The following ATG2B variants were observed in gnomAD, a reference collection of about 807,000 sequenced individuals.
The protein encoded by ATG2B is autophagy related 2B, also known as autophagy-related protein 2 homolog B.
In ATG2B, 121 loss-of-function variants were observed where a neutral mutation model predicts 241.3. That is an observed-to-expected ratio of 0.50 (90% CI 0.43 to 0.58). The LOEUF (loss-of-function observed/expected upper bound fraction) is 0.58. Among genes scored for constraint, ATG2B ranks in the 20% least tolerant of loss-of-function variants. ATG2B has a pLI of 0.00. For missense variants in ATG2B, 2,306 were observed against 2,491.6 expected (o/e 0.93, Z 1.59); for synonymous variants, 858 against 876.6 (o/e 0.98, Z 0.37).
At chr14:96,358,274 A>G (rs1013490547) in intron 1 of ATG2B, among the ~76,000 whole-genome samples, 40 of 152,078 alleles carry the variant, frequency 2.6e-4, no homozygotes, top group African/African-American at 9.7e-4. Flanking sequence ...GGTCTCTACA[A>G]AAATTAAAAG....
intron 34 of ATG2B, among the ~76,000 whole-genome samples, chr14:96,301,040 G>C (rs1886775597): frequency 6.6e-6 from 1 of 152,150 alleles, no homozygotes; most frequent in South Asian, 2.1e-4. Flanking sequence ...TTTCTGTCAA[G>C]AAGGTTTTGT....
Position 96,313,439 on chromosome 14 carries a change from T to C in ATG2B, c.3643-4A>G, listed in dbSNP as rs769804683. 1.9e-5 allele frequency: 28 copies of C among 1,508,092 alleles called. No individual in the cohort carries two copies. The highest frequency in any genetic ancestry group is 1.8e-4 in the Middle Eastern group (1 of 5,546). The allele number at this position is 1,508,092 out of a possible 1,614,324, so 93.4% of individuals were successfully genotyped here. On this transcript the variant is annotated splice_polypyrimidine_tract_variant and splice_region_variant and intron_variant, in intron 23 of 41. Transcript: ENST00000359933. ...CAATATTCAAGAAGTATAAAATCTA[T>C]AATCACAAAAAATTAAAACGCCCTG...
chr14:96,308,217 TAA>T (rs1887012276), intron 29 of ATG2B, among the ~76,000 whole-genome samples: 1 of 78,272 alleles, frequency 1.3e-5, no homozygotes, highest in African/African-American at 4.6e-5. Flanking sequence ...TATAAATACA[TAA>T]ATATATATAT....
intron 34 of ATG2B, among the ~76,000 whole-genome samples, chr14:96,296,689 A>T (rs1886649082): frequency 6.7e-6 from 1 of 150,190 alleles, no homozygotes; most frequent in African/African-American, 2.4e-5. Flanking sequence ...TGAACCTGGG[A>T]GGCGGAGGCT....
At chr14:96,341,741 C>A in intron 5 of ATG2B, 40 bp from the exon 6 acceptor site, 2 of 1,331,366 alleles carry the variant, frequency 1.5e-6, no homozygotes, top group Non-Finnish European at 2.0e-6. Flanking sequence ...AAAATACTTT[C>A]ATATAAATAA....
chr14:96,308,971 C>T (rs1009442012), intron 29 of ATG2B, among the ~76,000 whole-genome samples: 1 of 152,158 alleles, frequency 6.6e-6, no homozygotes, highest in African/African-American at 2.4e-5. Flanking sequence ...GAGGCTCATG[C>T]ATGCCTTTGT....
chr14:96,329,394 AT>A, intron 12 of ATG2B, 89 bp downstream of exon 12: 1 of 913,148 alleles, frequency 1.1e-6, no homozygotes, highest in Non-Finnish European at 1.6e-6. Flanking sequence ...CTTTCTATAC[AT>A]TTTTAAAGAA....
Position 96,304,670 on chromosome 14 carries a change from A to G in ATG2B, c.4734-67T>C, listed in dbSNP as rs138305369. 6.1e-3 allele frequency: 7,398 copies of G among 1,210,184 alleles called. 265 individuals carry two copies. The South Asian group carries it at 0.066, about 11-fold the overall frequency. 75.0% of individuals were successfully genotyped at this position (1,210,184 alleles called of 1,614,324 possible). A position where few individuals can be genotyped will look rare whatever the true frequency, so the allele number is the denominator to read the frequency against. ...AATATTCAAAGAAAGTCAATGAATG[A>G]CATTAAGGAAAATGATAAGATGAAA... On this transcript the variant is annotated intron_variant, in intron 31 of 41. Coordinates refer to ENST00000359933, the MANE Select transcript of ATG2B (RefSeq NM_018036.7).
rs147136824 is a variant in ATG2B at position 96,335,061 on chromosome 14, C to T, written c.925-560G>A. 8.9e-3 allele frequency among the ~76,000 whole-genome samples: 1,348 copies of T among 152,278 alleles called. 18 individuals are homozygous for T. The highest frequency in any genetic ancestry group is 0.031 in the African/African-American group (1,287 of 41,558). ...ACAGAAACGTGGACAGAAGATGGTGCTTAGGTGGACTTCCTTTCTCTTTTC... is the reference window on the plus strand; with the variant it reads ...ACAGAAACGTGGACAGAAGATGGTGTTTAGGTGGACTTCCTTTCTCTTTTC... On this transcript the variant is annotated intron_variant, in intron 6 of 41. Coordinates refer to ENST00000359933, the MANE Select transcript of ATG2B (RefSeq NM_018036.7).
rs369689045 is a variant in ATG2B at position 96,328,457 on chromosome 14, C to A, written c.2053G>T (p.Asp685Tyr). ...IKLNPVCCEL[D>Y]ISIVDRLNSL... The stretch of plus-strand genomic sequence containing the variant: ...TTTAACCTGTCCACAATACTGATAT[C>A]CAGCTCACAACACACTGGATTTAAT... Residue 685 changes from aspartate to tyrosine, a missense_variant, in exon 14 of 42, where the codon GAT becomes TAT. Transcript: ENST00000359933. 1 of 1,613,422 alleles carries A rather than the reference C, an allele frequency of 6.2e-7. No individual in the cohort carries two copies. Among genetic ancestry groups the A allele is most frequent in the Non-Finnish European group, 8.5e-7 (1 of 1,179,838 alleles).
intron 14 of ATG2B, among the ~76,000 whole-genome samples, chr14:96,327,615 C>A (rs1887618688): frequency 6.6e-6 from 1 of 152,048 alleles, no homozygotes; most frequent in African/African-American, 2.4e-5. Flanking sequence ...CTTATAAAAA[C>A]TCTGATAGAC....
Position 96,332,516 on chromosome 14 carries a change from T to C in ATG2B, c.1347A>G (p.Pro449=), listed in dbSNP as rs1178041714. 1.2e-6 allele frequency: 2 copies of C among 1,609,928 alleles called. No individual in the cohort carries two copies. The highest frequency in any genetic ancestry group is 1.7e-6 in the Non-Finnish European group (2 of 1,178,532). Residue 449 remains proline (P), a synonymous_variant, in exon 9 of 42, where the codon CCA becomes CCG. Transcript: ENST00000359933. ...STYTNTPAGS[P]LSATVLQPTW... ...AATACTTTACCACAGTAGCACTTAA[T>C]GGAGATCCTGCTGGGGTATTTGTAT...
intron 22 of ATG2B, 61 bp downstream of exon 22, chr14:96,315,323 T>C: frequency 6.3e-7 from 1 of 1,588,028 alleles, no homozygotes; most frequent in Non-Finnish European, 8.6e-7. Flanking sequence ...ATGTTGCCTT[T>C]TATGTAATTA....
intron 5 of ATG2B, 80 bp from the exon 6 acceptor site, chr14:96,341,781 A>C (rs1888043683): frequency 6.4e-6 from 7 of 1,094,298 alleles, no homozygotes; most frequent in African/African-American, 1.6e-5. Flanking sequence ...ATGTCAACTT[A>C]AGAAGAATAA....
intron 14 of ATG2B, among the ~76,000 whole-genome samples, chr14:96,327,123 C>T (rs1887606484): frequency 6.6e-6 from 1 of 151,994 alleles, no homozygotes; most frequent in Non-Finnish European, 1.5e-5. Context: ...GTAGCCCCAA[C>T]TATTTGGGGG....
At position 96,343,194 on chromosome 14, in the gene ATG2B, G is replaced by T; in HGVS notation, c.669C>A (p.Leu223=). The T allele has an allele frequency of 6.2e-7, 1 of 1,609,820 alleles. No individual in the cohort carries two copies. Among genetic ancestry groups the T allele is most frequent in the Non-Finnish European group, 8.5e-7 (1 of 1,177,356 alleles). The change falls in exon 5 of 42, where the codon CTC becomes CTA. Residue 223 remains leucine, a synonymous_variant. Transcript: ENST00000359933. The stretch of plus-strand genomic sequence containing the variant: ...CATCCCAGAAGAGAGACACTCCAGA[G>T]AGCTGAAGTAACTTGTGAGCAAAAG... ...PTAFAHKLLQ[L]SGVSLFWDEF...
intron 1 of ATG2B, among the ~76,000 whole-genome samples, chr14:96,362,036 T>C (rs990041578): frequency 6.6e-6 from 1 of 152,096 alleles, no homozygotes; most frequent in Non-Finnish European, 1.5e-5. Flanking sequence ...TACGACTGCA[T>C]GTGGTGAGTC....
In ATG2B at chr14:96,290,224, C is replaced by T; in HGVS notation, c.5856+212G>A. ...ATGTTTACAATTTACCTGAAATAGG[C>T]AAACAAATCTGACACTGTATTCCAC... On this transcript the variant is annotated intron_variant, in intron 40 of 41. Coordinates refer to ENST00000359933, the MANE Select transcript of ATG2B (RefSeq NM_018036.7). The surrounding 1 kb of genome is among the most constrained non-coding windows in gnomAD (Gnocchi z 4.4). 3 of 1,281,344 alleles carry T rather than the reference C, an allele frequency of 2.3e-6. No homozygotes were observed. Among genetic ancestry groups the T allele is most frequent in the East Asian group, 5.8e-5 (2 of 34,490 alleles). The allele number at this position is 1,281,344 out of a possible 1,614,324, so 79.4% of individuals were successfully genotyped here. A position where few individuals can be genotyped will look rare whatever the true frequency, so the allele number is the denominator to read the frequency against.
chr14:96,326,004 T>C (rs1315849583), intron 14 of ATG2B, 82 bp from the exon 15 acceptor site: 4 of 1,295,338 alleles, frequency 3.1e-6, no homozygotes, highest in Middle Eastern at 1.9e-4. Flanking sequence ...TTACAATATG[T>C]ATAATCACTA....
Sources: gnomAD v4.1 joint callset for allele counts (sites outside exome capture counted in the v4.1 genomes callset) on GRCh38, gnomAD v4.1.1 for gene constraint, Gnocchi (gnomAD v3.1) non-coding constraint, MANE v1.5 for transcripts, NCBI Gene and HGNC (gene_info 2026-07-23, HGNC 2026-07-21) for gene names.